ZNF710: variants seen among roughly 807,000 people sequenced by gnomAD.
ZNF710 encodes the protein zinc finger protein 710.
ZNF710 carries 13 observed loss-of-function variants against 50.6 expected under a neutral mutation model. That is an observed-to-expected ratio of 0.26 (90% CI 0.17 to 0.41). ZNF710 has a LOEUF of 0.41. Among genes scored for constraint, ZNF710 ranks in the 10% least tolerant of loss-of-function variants. The pLI, the probability that ZNF710 is intolerant of heterozygous loss-of-function variation, is 1.00. For synonymous variants in ZNF710, 383 were observed against 397.0 expected (o/e 0.96, Z 0.42); for missense variants, 721 against 936.6 (o/e 0.77, Z 3.01).
chr15:90,039,761 C>A (rs1435046806), intron 1 of ZNF710, among the ~76,000 whole-genome samples: 1 of 152,190 alleles, frequency 6.6e-6, no homozygotes, highest in East Asian at 1.9e-4. Context: ...CCTCTTTCAC[C>A]TCCTTGGGTT....
chr15:90,000,238 G>C (rs1897979985), upstream of ZNF710, among the ~76,000 whole-genome samples: 1 of 152,214 alleles, frequency 6.6e-6, no homozygotes, highest in Non-Finnish European at 1.5e-5. Context: ...ATGAATAATT[G>C]ACCCTTCCTG....
At chr15:90,023,252 A>C (rs1280208386) in intron 1 of ZNF710, among the ~76,000 whole-genome samples, 1 of 152,240 alleles carries the variant, frequency 6.6e-6, no homozygotes, top group Non-Finnish European at 1.5e-5. Flanking sequence ...CCAGAAAAGT[A>C]AAGCAGGAGC....
At chr15:90,030,286 G>A (rs1312649229) in intron 1 of ZNF710, among the ~76,000 whole-genome samples, 5 of 118,126 alleles carry the variant, frequency 4.2e-5, no homozygotes, top group African/African-American at 1.0e-4. Flanking sequence ...CCAATATCAC[G>A]CCATTGCATT....
At chr15:90,014,097 C>T (rs1898385703) in intron 1 of ZNF710, among the ~76,000 whole-genome samples, 3 of 151,332 alleles carry the variant, frequency 2.0e-5, no homozygotes, top group South Asian at 4.2e-4. Flanking sequence ...AAAAAAATCA[C>T]AAGCCCAAGC....
At chr15:90,026,262 A>AC (rs751402247) in intron 1 of ZNF710, among the ~76,000 whole-genome samples, 5 of 127,136 alleles carry the variant, frequency 3.9e-5, no homozygotes, top group African/African-American at 1.8e-4. Context: ...AACAACAACA[A>AC]CAACAACAAA....
At chr15:90,058,900 T>TA (rs1899918122) in intron 1 of ZNF710, among the ~76,000 whole-genome samples, 1 of 152,078 alleles carries the variant, frequency 6.6e-6, no homozygotes, top group Non-Finnish European at 1.5e-5. Flanking sequence ...TGTTTGCCCT[T>TA]AAGGCCTTCA....
chr15:90,066,625 G>A (rs1900178262), intron 1 of ZNF710, among the ~76,000 whole-genome samples: 1 of 151,856 alleles, frequency 6.6e-6, no homozygotes, highest in African/African-American at 2.4e-5. Flanking sequence ...ACAGGTGCCG[G>A]CCACCACGCC....
At chr15:90,045,364 A>C (rs1358579302) in intron 1 of ZNF710, 2 of 985,324 alleles carry the variant, frequency 2.0e-6, no homozygotes, top group Non-Finnish European at 2.4e-6. Flanking sequence ...GACGTGAGCC[A>C]TGGAGAGGTT....
At chr15:90,014,584 C>T (rs1288419604) in intron 1 of ZNF710, among the ~76,000 whole-genome samples, 8 of 146,278 alleles carry the variant, frequency 5.5e-5, no homozygotes, top group Non-Finnish European at 1.1e-4. Context: ...ATCTAAAAAA[C>T]GAACACATTA....
chr15:90,042,688 A>G (rs544437993), intron 1 of ZNF710, among the ~76,000 whole-genome samples: 1 of 152,364 alleles, frequency 6.6e-6, no homozygotes, highest in Admixed American at 6.5e-5. Context: ...GAAGGGGGAC[A>G]GGGAACACTC....
At chr15:90,052,276 C>T (rs1899669969) in intron 1 of ZNF710, among the ~76,000 whole-genome samples, 1 of 152,176 alleles carries the variant, frequency 6.6e-6, no homozygotes, top group African/African-American at 2.4e-5. Flanking sequence ...GGGACTTGAT[C>T]CCATTTTCCA....
rs1353870660 is a variant in ZNF710, at chr15:90,034,588, C to G, written c.-28-32522C>G. Reference sequence around the variant, plus strand: ...GTTCCTGGAGGGCCCTCCCTAGCAGCAGGGGAAGCCTGGCAGCTTGGCTGA... The same window carrying G: ...GTTCCTGGAGGGCCCTCCCTAGCAGGAGGGGAAGCCTGGCAGCTTGGCTGA... On this transcript the variant is annotated intron_variant, in intron 1 of 4. Coordinates refer to ENST00000268154, the MANE Select transcript of ZNF710 (RefSeq NM_198526.4). The surrounding 1 kb of genome is among the most constrained non-coding windows in gnomAD (Gnocchi z 4.0). 2.0e-5 allele frequency among the ~76,000 whole-genome samples: 3 copies of G among 152,040 alleles called. No individual in the cohort carries two copies. The highest frequency in any genetic ancestry group is 4.4e-5 in the Non-Finnish European group (3 of 67,988).
chr15:90,078,022 A>C (rs770948676), intron 4 of ZNF710, among the ~76,000 whole-genome samples: 16 of 152,154 alleles, frequency 1.1e-4, no homozygotes, highest in Non-Finnish European at 2.2e-4. Flanking sequence ...AGCCTGACCA[A>C]CATGGAGAAA....
chr15:90,002,114 C>T (rs1430058148), intron 1 of ZNF710, among the ~76,000 whole-genome samples: 1 of 151,320 alleles, frequency 6.6e-6, no homozygotes, highest in Non-Finnish European at 1.5e-5. Flanking sequence ...GGGTGCGCTC[C>T]CCCCACACCC....
At chr15:90,002,028 G>A (rs1310799622) in intron 1 of ZNF710, among the ~76,000 whole-genome samples, 1 of 150,528 alleles carries the variant, frequency 6.6e-6, no homozygotes, top group East Asian at 2.0e-4. Context: ...TCGCGGCGGC[G>A]GCGGCGGCGG....
intron 1 of ZNF710, among the ~76,000 whole-genome samples, chr15:90,003,074 C>G (rs1487389594): frequency 6.6e-6 from 1 of 152,166 alleles, no homozygotes; most frequent in African/African-American, 2.4e-5. Flanking sequence ...CGGGGTTTCA[C>G]CATATTGGCC....
chr15:90,074,448 T>C (rs1286267281), intron 4 of ZNF710, 158 bp downstream of exon 4: 1 of 1,535,940 alleles, frequency 6.5e-7, no homozygotes, highest in East Asian at 2.4e-5. Flanking sequence ...AAGGCCATGA[T>C]GACAATAACG....
In ZNF710 at chr15:90,079,825, T is replaced by G. The variant is rs1459724624; in HGVS notation, c.1991T>G (p.Leu664Arg). ...AAAGAGATGGCCTACTACAATGTGC[T>G]ATAGCGCAAGCTGGGCCACCCCTAA... Reference protein sequence around the residue: ...AMKEMAYYNVL With the variant: ...AMKEMAYYNVR Residue 664 changes from leucine (L) to arginine (R), a missense_variant, in exon 5 of 5, where the codon CTA becomes CGA. Around this residue, in one of 3 missense-constraint regions of ZNF710, gnomAD observed 69 missense variants for 67.6 expected, o/e 1.02. Coordinates refer to ENST00000268154, the MANE Select transcript of ZNF710 (RefSeq NM_198526.4). The G allele has an allele frequency of 2.1e-5, 33 of 1,591,020 alleles. No homozygotes were observed. The highest frequency in any genetic ancestry group is 2.8e-5 in the Non-Finnish European group (33 of 1,171,170).
At position 90,074,235 on chromosome 15, in the gene ZNF710, G is replaced by C. The variant is rs779256432; in HGVS notation, c.1770G>C (p.Leu590=). The C allele has an allele frequency of 1.9e-6, 3 of 1,613,414 alleles. No homozygotes were observed. In the South Asian group the frequency reaches 3.3e-5, roughly 18 times the overall value. Residue 590 remains leucine (L), a synonymous_variant, in exon 4 of 5, where the codon CTG becomes CTC. Coordinates refer to ENST00000268154, the MANE Select transcript of ZNF710 (RefSeq NM_198526.4). The stretch of plus-strand genomic sequence containing the variant: ...GCAAGTTTAATCTCAAGGGCAACCT[G>C]AGCCGGCACATGAAGGTCAAGCATG... ...CSSKFNLKGN[L]SRHMKVKHGV...
Sources: allele counts gnomAD v4.1 joint callset (sites outside exome capture counted in the v4.1 genomes callset), GRCh38; gene constraint gnomAD v4.1.1; regional missense constraint gnomAD v4.1.1; non-coding constraint Gnocchi (gnomAD v3.1); transcripts MANE v1.5; gene names NCBI Gene and HGNC (gene_info 2026-07-23, HGNC 2026-07-21).